The following RBFOX1 variants were observed in gnomAD, a reference collection of about 807,000 sequenced individuals.
RBFOX1 encodes the protein RNA binding protein fox-1 homolog 1.
In RBFOX1, 8 loss-of-function variants were observed where a neutral mutation model predicts 57.7. That is an observed-to-expected ratio of 0.14 (90% CI 0.08 to 0.25). The LOEUF (loss-of-function observed/expected upper bound fraction) is 0.25, where lower values mean the gene tolerates loss of function less well. Among genes scored for constraint, RBFOX1 ranks in the 10% least tolerant of loss-of-function variants. The probability of loss-of-function intolerance (pLI) is 1.00; values close to 1 mark genes in which losing one functional copy is unlikely to be tolerated. For missense variants in RBFOX1, 611 were observed against 548.5 expected (o/e 1.11, Z -1.14); for synonymous variants, 326 against 222.4 (o/e 1.47, Z -4.15).
chr16:6,844,974 T>C (rs547475034), intron 3 of RBFOX1, among the ~76,000 whole-genome samples: 24 of 152,328 alleles, frequency 1.6e-4, no homozygotes, highest in Admixed American at 6.5e-4. Flanking sequence ...TGGCCGCATG[T>C]ATGTCTTCTT....
chr16:5,485,096 C>T (rs181350276), intron 2 of RBFOX1, among the ~76,000 whole-genome samples: 7 of 152,022 alleles, frequency 4.6e-5, no homozygotes, highest in African/African-American at 1.2e-4. Context: ...CCTGTAATCC[C>T]AGCACTTTGG....
chr16:6,789,705 C>G (rs550158762), intron 3 of RBFOX1, among the ~76,000 whole-genome samples: 1 of 152,074 alleles, frequency 6.6e-6, no homozygotes, highest in Non-Finnish European at 1.5e-5. Context: ...TTCATTTTCT[C>G]CATGTCTTCG....
intron 2 of RBFOX1, among the ~76,000 whole-genome samples, chr16:5,579,289 C>T (rs532287038): frequency 2.0e-4 from 30 of 152,120 alleles, no homozygotes; most frequent in Non-Finnish European, 2.9e-4. Flanking sequence ...GGCATTCTTG[C>T]CTCCCGTCCG....
In RBFOX1 at chr16:7,664,942, G is replaced by A; in HGVS notation, c.904G>A (p.Asp302Asn). ...GCACCCTTGCAGTGTTGTTTACCAG[G>A]ATGGATTTTATGGTGCAGACATTTA... ...IPAYGGVVYQ[D>N]GFYGADIYGG... Residue 302 changes from aspartate (D) to asparagine (N), a missense_variant, in exon 13 of 16, where the codon GAT becomes AAT. Asp to Asn is a conservative substitution (Grantham distance 23, BLOSUM62 1). This residue lies in a region of RBFOX1 where 267 missense variants were observed against 229.1 expected (regional missense o/e 1.17). Transcript: ENST00000550418. The A allele has an allele frequency of 6.2e-7, 1 of 1,613,926 alleles. No individual in the cohort carries two copies. The highest frequency in any genetic ancestry group is 8.5e-7 in the Non-Finnish European group (1 of 1,179,840).
chr16:5,599,108 T>C lies in RBFOX1; in HGVS notation c.465T>C (p.Asn155=), dbSNP rs1238555264. The C allele has an allele frequency of 7.3e-6, 6 of 819,550 alleles. No individual in the cohort carries two copies. The South Asian group carries it at 8.6e-5, about 12-fold the overall frequency. 50.8% of individuals were successfully genotyped at this position (819,550 alleles called of 1,614,324 possible). A position where few individuals can be genotyped will look rare whatever the true frequency, so the allele number is the denominator to read the frequency against. ...GAGAATTAACTGGGTTTGAGGGGAA[T>C]AAATTTTCCAGAGCACTTGCACAAT... The change falls in exon 3 of 3, where the codon AAT becomes AAC. Residue 155 remains asparagine, a synonymous_variant. Transcript: ENST00000585867.
intron 4 of RBFOX1, among the ~76,000 whole-genome samples, chr16:7,284,202 G>T (rs1205296557): frequency 6.6e-6 from 1 of 152,212 alleles, no homozygotes. Flanking sequence ...GTTGTTTCCA[G>T]TTTTTGCTGA....
chr16:5,515,675 C>A (rs1301527745), intron 2 of RBFOX1, among the ~76,000 whole-genome samples: 1 of 152,170 alleles, frequency 6.6e-6, no homozygotes, highest in Non-Finnish European at 1.5e-5. Flanking sequence ...AGGTTATTCT[C>A]ATTAAAAACC....
intron 2 of RBFOX1, among the ~76,000 whole-genome samples, chr16:5,532,469 C>T (rs946787383): frequency 1.3e-5 from 2 of 152,200 alleles, no homozygotes; most frequent in Non-Finnish European, 2.9e-5. Flanking sequence ...TTTCACAAGA[C>T]CCCCTGGTGA....
intron 2 of RBFOX1, among the ~76,000 whole-genome samples, chr16:5,474,124 A>T (rs1328887193): frequency 6.6e-6 from 1 of 152,172 alleles, no homozygotes; most frequent in Non-Finnish European, 1.5e-5. Flanking sequence ...CCATATTCCA[A>T]AGCAAATAAG....
At chr16:6,768,740 CTTT>C (rs536608931) in intron 3 of RBFOX1, among the ~76,000 whole-genome samples, 4 of 139,574 alleles carry the variant, frequency 2.9e-5, no homozygotes, top group Non-Finnish European at 4.7e-5. Context: ...TATTATTTTT[CTTT>C]TTTTTTTTTT....
chr16:7,164,614 G>A (rs116523178), intron 4 of RBFOX1, among the ~76,000 whole-genome samples: 3 of 152,108 alleles, frequency 2.0e-5, no homozygotes, highest in East Asian at 1.9e-4. Context: ...TTTTAATAAC[G>A]TGTAATTTCT....
chr16:5,712,497 G>C (rs575892483), intron 3 of RBFOX1, among the ~76,000 whole-genome samples: 175 of 152,344 alleles, frequency 1.1e-3, no homozygotes, highest in African/African-American at 4.0e-3. Flanking sequence ...TATCTCAAGA[G>C]CAGAGGGAAG....
intron 4 of RBFOX1, among the ~76,000 whole-genome samples, chr16:7,377,709 T>C (rs1475679140): frequency 1.3e-5 from 2 of 152,200 alleles, no homozygotes; most frequent in Non-Finnish European, 2.9e-5. Context: ...CTATCTGGGA[T>C]CTAAGAACAA....
chr16:6,218,246 G>C (rs745791734), intron 1 of RBFOX1, among the ~76,000 whole-genome samples: 1 of 151,910 alleles, frequency 6.6e-6, no homozygotes, highest in Non-Finnish European at 1.5e-5. Context: ...CATTCATTGA[G>C]CTAAGACTAT....
rs1422928713 is a variant in RBFOX1, at chr16:6,480,792, C to T, written c.-64+163735C>T. On this transcript the variant is annotated intron_variant, in intron 2 of 15. Coordinates refer to ENST00000550418, the MANE Select transcript of RBFOX1 (RefSeq NM_018723.4). ...GAAATATTTGTATATATATTTGTAC[C>T]TTATAGTGTGTATTTTTATTTCTGT... 2.0e-5 allele frequency among the ~76,000 whole-genome samples: 3 copies of T among 152,018 alleles called. No homozygotes were observed. The East Asian group carries it at 5.8e-4, about 29-fold the overall frequency.
intron 1 of RBFOX1, among the ~76,000 whole-genome samples, chr16:5,410,984 C>T (rs1448690890): frequency 2.0e-5 from 3 of 152,170 alleles, no homozygotes; most frequent in African/African-American, 7.2e-5. Flanking sequence ...GAAGATTAGG[C>T]GGGCCAACAC....
chr16:7,397,891 C>G lies in RBFOX1; in HGVS notation c.28-120256C>G, dbSNP rs538052683. ...AACCTTAGTTTTCTCATCTGTAAAA[C>G]AGATGAAACTACCTGATTTTTTAGG... On this transcript the variant is annotated intron_variant, in intron 4 of 15. Coordinates refer to ENST00000550418, the MANE Select transcript of RBFOX1 (RefSeq NM_018723.4). 4.3e-4 allele frequency among the ~76,000 whole-genome samples: 66 copies of G among 152,226 alleles called. No individual in the cohort carries two copies. In the South Asian group the frequency reaches 0.013, roughly 31 times the overall value.
At chr16:7,106,996 C>G (rs1034026571) in intron 4 of RBFOX1, among the ~76,000 whole-genome samples, 4 of 151,856 alleles carry the variant, frequency 2.6e-5, no homozygotes, top group African/African-American at 9.7e-5. Flanking sequence ...CACACACACA[C>G]ACACACACAC....
At chr16:5,784,604 C>G (rs997509191) in intron 3 of RBFOX1, among the ~76,000 whole-genome samples, 1 of 152,154 alleles carries the variant, frequency 6.6e-6, no homozygotes, top group Non-Finnish European at 1.5e-5. Context: ...CCATGATTCG[C>G]TCACCTCCCA....
Sources: allele counts gnomAD v4.1 joint callset (sites outside exome capture counted in the v4.1 genomes callset), GRCh38; gene constraint gnomAD v4.1.1; regional missense constraint gnomAD v4.1.1; transcripts MANE v1.5; gene names NCBI Gene and HGNC (gene_info 2026-07-23, HGNC 2026-07-21).